The following GUCY1A1 variants were observed in gnomAD, a reference collection of about 807,000 sequenced individuals.
The protein encoded by GUCY1A1 is guanylate cyclase 1 soluble subunit alpha 1.
A neutral mutation model predicts 64.5 loss-of-function variants in GUCY1A1; 48 were observed. That is an observed-to-expected ratio of 0.74 (90% CI 0.59 to 0.95). GUCY1A1 has a LOEUF of 0.95. GUCY1A1 is among the 40% of genes least tolerant of loss of function. GUCY1A1 has a pLI of 0.00. For synonymous variants in GUCY1A1, 308 were observed against 303.4 expected (o/e 1.02, Z -0.16); for missense variants, 804 against 825.3 (o/e 0.97, Z 0.32).
intron 2 of GUCY1A1, among the ~76,000 whole-genome samples, chr4:155,676,892 A>G (rs1735024773): frequency 6.6e-6 from 1 of 151,352 alleles, no homozygotes; most frequent in Admixed American, 6.6e-5. Context: ...TATTCTACAA[A>G]GCTCACCTTA....
At chr4:155,682,699 A>AGTGTGTGTGTGTGT (rs60103633) in intron 2 of GUCY1A1, among the ~76,000 whole-genome samples, 1 of 146,776 alleles carries the variant, frequency 6.8e-6, no homozygotes, top group African/African-American at 2.5e-5. Context: ...AAGAAAATTC[A>AGTGTGTGTGTGTGT]GTGTGTGTGT....
chr4:155,691,958 C>T (rs1016077831), intron 2 of GUCY1A1, among the ~76,000 whole-genome samples: 2 of 152,064 alleles, frequency 1.3e-5, no homozygotes, highest in African/African-American at 4.8e-5. Flanking sequence ...CCTTTACAGT[C>T]CAAAAGGCCC....
rs1735981436 is a variant in GUCY1A1 at position 155,735,648 on chromosome 4, G to A, written c.*5417G>A. 6.6e-6 allele frequency: 1 copy of A among 151,964 alleles called. No individual in the cohort carries two copies. The highest frequency in any genetic ancestry group is 1.5e-5 in the Non-Finnish European group (1 of 67,938). The allele number at this position is 151,964 out of a possible 1,614,324, so 9.4% of individuals were successfully genotyped here. A position where few individuals can be genotyped will look rare whatever the true frequency, so the allele number is the denominator to read the frequency against. The stretch of plus-strand genomic sequence containing the variant: ...CTTTGCATAATGCCCAAATCTTGAA[G>A]TATCTGCTCAGATGTTTGTTCCATC... On this transcript the variant is annotated 3_prime_UTR_variant, in exon 10 of 10. Transcript: ENST00000506455.
At chr4:155,702,852 C>T (rs1290947001) in intron 3 of GUCY1A1, among the ~76,000 whole-genome samples, 2 of 151,890 alleles carry the variant, frequency 1.3e-5, no homozygotes, top group Non-Finnish European at 2.9e-5. Flanking sequence ...GGTGGAAACT[C>T]TACAAGAGAT....
At chr4:155,713,846 G>A (rs745460785) in intron 7 of GUCY1A1, among the ~76,000 whole-genome samples, 14 of 152,152 alleles carry the variant, frequency 9.2e-5, no homozygotes, top group Non-Finnish European at 1.8e-4. Context: ...AATGGAGGGA[G>A]GATAGGGTGC....
intron 3 of GUCY1A1, among the ~76,000 whole-genome samples, chr4:155,702,670 T>C (rs1731245866): frequency 6.6e-6 from 1 of 152,204 alleles, no homozygotes; most frequent in South Asian, 2.1e-4. Context: ...ACATTGTAAA[T>C]TTAAATTCTC....
At chr4:155,694,013 A>G (rs1730098382) in intron 2 of GUCY1A1, among the ~76,000 whole-genome samples, 1 of 152,210 alleles carries the variant, frequency 6.6e-6, no homozygotes, top group South Asian at 2.1e-4. Context: ...TAATAATTCT[A>G]TGCCATCCTC....
Position 155,732,544 on chromosome 4 carries a change from A to G in GUCY1A1, c.*2313A>G, listed in dbSNP as rs1425562845. Among the ~76,000 whole-genome samples the G allele has an allele frequency of 6.6e-6, 1 of 151,928 alleles. No individual in the cohort carries two copies. Among genetic ancestry groups the G allele is most frequent in the African/African-American group, 2.4e-5 (1 of 41,400 alleles). Reference sequence around the variant, plus strand: ...TTTTTCTCTATCTTATCTGCTTTGAAGCATAGCGATTAGCGAGAAACTTTT... The same window carrying G: ...TTTTTCTCTATCTTATCTGCTTTGAGGCATAGCGATTAGCGAGAAACTTTT... On this transcript the variant is annotated 3_prime_UTR_variant, in exon 10 of 10. Transcript: ENST00000506455.
chr4:155,711,425 G>T, intron 6 of GUCY1A1, 174 bp downstream of exon 6: 1 of 459,686 alleles, frequency 2.2e-6, no homozygotes, highest in Non-Finnish European at 3.8e-6. Flanking sequence ...TTCTGCATTT[G>T]TTTGCTTACT....
intron 9 of GUCY1A1, chr4:155,722,582 C>T: frequency 3.5e-6 from 1 of 289,742 alleles, no homozygotes; most frequent in Non-Finnish European, 5.2e-6. Flanking sequence ...GCACAGAACC[C>T]AACAAGCCTG....
At chr4:155,723,457 G>A (rs773614229) in intron 9 of GUCY1A1, among the ~76,000 whole-genome samples, 6 of 151,916 alleles carry the variant, frequency 3.9e-5, no homozygotes, top group Non-Finnish European at 8.8e-5. Context: ...AAACCAATCC[G>A]TGGTAACTAG....
intron 7 of GUCY1A1, among the ~76,000 whole-genome samples, chr4:155,713,878 G>C (rs994417750): frequency 2.0e-5 from 3 of 152,142 alleles, no homozygotes; most frequent in Non-Finnish European, 4.4e-5. Context: ...AGGATGGGGT[G>C]TAGGACCTGT....
chr4:155,676,370 AT>A (rs1254353091), intron 2 of GUCY1A1, among the ~76,000 whole-genome samples: 3 of 146,672 alleles, frequency 2.0e-5, no homozygotes, highest in African/African-American at 7.8e-5. Context: ...TGGTTGGGAC[AT>A]TTTTCCACAT....
intron 3 of GUCY1A1, among the ~76,000 whole-genome samples, chr4:155,702,084 G>A (rs1012703369): frequency 2.0e-5 from 3 of 151,954 alleles, no homozygotes; most frequent in African/African-American, 7.3e-5. Context: ...TACCATTGTA[G>A]GTTTTGGATG....
Position 155,730,098 on chromosome 4 carries a change from C to T in GUCY1A1, c.1940C>T (p.Pro647Leu). The change falls in exon 10 of 10, where the codon CCT becomes CTT. Residue 647 changes from proline to leucine, a missense_variant. By Grantham distance (98) the Pro-to-Leu change is moderately conservative (BLOSUM62 -3). Transcript: ENST00000506455. Reference protein sequence around the residue: ...RSREELPPNFPSEIPGICHFL... With the variant: ...RSREELPPNFLSEIPGICHFL... Reference sequence around the variant, plus strand: ...AGGGAGGAACTTCCACCAAACTTCCCTAGTGAAATCCCCGGAATCTGCCAT... The same window carrying T: ...AGGGAGGAACTTCCACCAAACTTCCTTAGTGAAATCCCCGGAATCTGCCAT... 9 of 1,611,092 alleles carry T rather than the reference C, an allele frequency of 5.6e-6. No individual in the cohort carries two copies. Among genetic ancestry groups the T allele is most frequent in the Non-Finnish European group, 7.6e-6 (9 of 1,177,770 alleles).
At chr4:155,726,163 C>T (rs1044405124) in intron 9 of GUCY1A1, among the ~76,000 whole-genome samples, 4 of 151,860 alleles carry the variant, frequency 2.6e-5, no homozygotes, top group Admixed American at 2.6e-4. Context: ...GTATTGATTT[C>T]AATAATAGTT....
In GUCY1A1 at chr4:155,732,995, C is replaced by A. The variant is rs903202852; in HGVS notation, c.*2764C>A. Among the ~76,000 whole-genome samples, 2 of 151,814 alleles carry A rather than the reference C, an allele frequency of 1.3e-5. No homozygotes were observed. Among genetic ancestry groups the A allele is most frequent in the Non-Finnish European group, 2.9e-5 (2 of 67,862 alleles). On this transcript the variant is annotated 3_prime_UTR_variant, in exon 10 of 10. Transcript: ENST00000506455. Reference sequence around the variant, plus strand: ...AGGGAAATACAGAATTAAAATGTTTCTTTCCATTTTGCTTTGTTTTTCTAT... The same window carrying A: ...AGGGAAATACAGAATTAAAATGTTTATTTCCATTTTGCTTTGTTTTTCTAT...
At chr4:155,720,258 G>T (rs11947294) in intron 8 of GUCY1A1, among the ~76,000 whole-genome samples, 1 of 151,946 alleles carries the variant, frequency 6.6e-6, no homozygotes, top group African/African-American at 2.4e-5. Context: ...TTAACCAGAA[G>T]AGTGCTCACA....
At chr4:155,680,251 C>A (rs1735540951) in intron 2 of GUCY1A1, among the ~76,000 whole-genome samples, 1 of 151,930 alleles carries the variant, frequency 6.6e-6, no homozygotes, top group Non-Finnish European at 1.5e-5. Context: ...GTCTTGTAAG[C>A]CTTTGGTTAG....
Sources: gnomAD v4.1 joint callset for allele counts (sites outside exome capture counted in the v4.1 genomes callset) on GRCh38, gnomAD v4.1.1 for gene constraint, MANE v1.5 for transcripts, NCBI Gene and HGNC (gene_info 2026-07-23, HGNC 2026-07-21) for gene names.